The following BNC2 variants were observed in gnomAD, a reference collection of about 807,000 sequenced individuals.
BNC2 encodes zinc finger protein basonuclin-2.
In BNC2, 20 loss-of-function variants were observed where a neutral mutation model predicts 76.3. The ratio of observed to expected loss-of-function variants is 0.26; its 90% CI spans 0.18 to 0.38. BNC2 has a LOEUF of 0.38. BNC2 is among the 10% of genes least tolerant of loss of function. The pLI is 1.00. For missense variants in BNC2, 1,382 were observed against 1,399.8 expected (o/e 0.99, Z 0.20); for synonymous variants, 582 against 514.8 (o/e 1.13, Z -1.77).
At chr9:16,845,566 A>G (rs1056553513) in intron 1 of BNC2, among the ~76,000 whole-genome samples, 1 of 151,792 alleles carries the variant, frequency 6.6e-6, no homozygotes, top group Admixed American at 6.6e-5. Context: ...CTAAAAATAC[A>G]AAAAATTAGC....
rs1223254381 is a variant in BNC2, at chr9:16,435,523, C to T, written c.2639+32G>A. ...GACTGAAAACTGGCACCCTCCACCCCCAGCAGGAGCAGCCAATGGAGATTT... is the reference window on the plus strand; with the variant it reads ...GACTGAAAACTGGCACCCTCCACCCTCAGCAGGAGCAGCCAATGGAGATTT... On this transcript the variant is annotated intron_variant, in intron 6 of 6. Transcript: ENST00000380672. 3.7e-6 allele frequency: 6 copies of T among 1,612,074 alleles called. No individual in the cohort carries two copies. The Admixed American group carries it at 8.3e-5, about 22-fold the overall frequency.
chr9:16,679,162 C>A (rs896770025), intron 3 of BNC2, among the ~76,000 whole-genome samples: 5 of 152,120 alleles, frequency 3.3e-5, no homozygotes, highest in African/African-American at 1.2e-4. Flanking sequence ...TGGCAAAACA[C>A]CTCCCACCCA....
intron 5 of BNC2, 25 bp from the exon 6 acceptor site, chr9:16,437,549 C>G: frequency 6.2e-7 from 1 of 1,606,306 alleles, no homozygotes; most frequent in Non-Finnish European, 8.5e-7. Flanking sequence ...AAAGAAACAA[C>G]AAAGACAAAC....
intron 3 of BNC2, among the ~76,000 whole-genome samples, chr9:16,714,456 G>A (rs1412459864): frequency 6.6e-6 from 1 of 152,180 alleles, no homozygotes. Flanking sequence ...TCTTGAACAT[G>A]GCATACCAGC....
intron 3 of BNC2, among the ~76,000 whole-genome samples, chr9:16,645,643 GT>G (rs1480197681): frequency 1.2e-4 from 18 of 152,144 alleles, no homozygotes; most frequent in African/African-American, 4.3e-4. Flanking sequence ...ATAACCATGG[GT>G]AAGTTATTTA....
chr9:16,736,443 AT>A (rs1237247319), intron 2 of BNC2, among the ~76,000 whole-genome samples: 38 of 20,630 alleles, frequency 1.8e-3, no homozygotes, highest in East Asian at 6.3e-3. Flanking sequence ...AACAGAGACT[AT>A]TTATTATTAT....
At position 16,712,683 on chromosome 9, in the gene BNC2, C is replaced by T. The variant is rs145128087; in HGVS notation, c.330+15114G>A. 1.9e-4 allele frequency among the ~76,000 whole-genome samples: 29 copies of T among 152,226 alleles called. No individual in the cohort carries two copies. The East Asian group carries it at 5.4e-3, about 28-fold the overall frequency. On this transcript the variant is annotated intron_variant, in intron 3 of 6. Transcript: ENST00000380672. ...CTGATATTTCACTATCATTAAGATC[C>T]CTTTTGAAAATACACTTGAGACAGC...
chr9:16,610,143 C>CA (rs76006394), intron 3 of BNC2, among the ~76,000 whole-genome samples: 137,253 of 152,046 alleles, frequency 0.9, 62,244 homozygotes, highest in East Asian at 0.98. Flanking sequence ...AAAGGGGTGG[C>CA]AAAAACTGGG....
intron 5 of BNC2, among the ~76,000 whole-genome samples, chr9:16,509,391 C>T (rs1361496572): frequency 2.6e-5 from 4 of 152,210 alleles, no homozygotes; most frequent in Admixed American, 2.6e-4. Flanking sequence ...ACAGGAAACA[C>T]ATAAATGTCT....
At chr9:16,614,958 T>TAAAAAAAAAAAAAAAAAAAAA (rs60545823) in intron 3 of BNC2, among the ~76,000 whole-genome samples, 1 of 62,520 alleles carries the variant, frequency 1.6e-5, no homozygotes, top group Non-Finnish European at 3.0e-5. Flanking sequence ...TCTGTCTCTT[T>TAAAAAAAAAAAAAAAAAAAAA]AAAAAAAAAA....
chr9:16,678,016 G>A (rs1245886121), intron 3 of BNC2, among the ~76,000 whole-genome samples: 3 of 151,852 alleles, frequency 2.0e-5, no homozygotes, highest in Admixed American at 6.6e-5. Flanking sequence ...TTTCTGTGAC[G>A]GTAGAGGATG....
chr9:16,593,226 G>T (rs1485347154), intron 3 of BNC2, among the ~76,000 whole-genome samples: 1 of 151,944 alleles, frequency 6.6e-6, no homozygotes, highest in Non-Finnish European at 1.5e-5. Context: ...AGGCAAAGAG[G>T]GAAAACCAGA....
intron 3 of BNC2, among the ~76,000 whole-genome samples, chr9:16,642,046 C>G (rs918994213): frequency 6.6e-6 from 1 of 152,144 alleles, no homozygotes; most frequent in Non-Finnish European, 1.5e-5. Flanking sequence ...CAACATTTAT[C>G]ATCTGATTTA....
intron 3 of BNC2, among the ~76,000 whole-genome samples, chr9:16,700,970 G>C (rs147289215): frequency 2.0e-5 from 3 of 152,200 alleles, no homozygotes; most frequent in African/African-American, 7.2e-5. Context: ...ATACTGATTA[G>C]CTTTTCCTGT....
chr9:16,868,911 C>T (rs1326967162), intron 1 of BNC2, among the ~76,000 whole-genome samples: 2 of 152,194 alleles, frequency 1.3e-5, no homozygotes, highest in African/African-American at 2.4e-5. Context: ...AAATAAATTC[C>T]TCCCATTTAA....
intron 3 of BNC2, among the ~76,000 whole-genome samples, chr9:16,588,436 G>C (rs147205686): frequency 6.6e-6 from 1 of 152,080 alleles, no homozygotes; most frequent in South Asian, 2.1e-4. Flanking sequence ...TATTATTTCT[G>C]TTTTACTATT....
At chr9:16,444,292 TG>T (rs1381077701) in intron 5 of BNC2, among the ~76,000 whole-genome samples, 1 of 152,170 alleles carries the variant, frequency 6.6e-6, no homozygotes, top group Non-Finnish European at 1.5e-5. Flanking sequence ...TGGGGGTACA[TG>T]CTCACAAATT....
At chr9:16,643,834 T>C (rs568199236) in intron 3 of BNC2, among the ~76,000 whole-genome samples, 59 of 152,278 alleles carry the variant, frequency 3.9e-4, no homozygotes, top group African/African-American at 1.2e-3. Flanking sequence ...TTAAAGATTT[T>C]ATATTAAAGA....
chr9:16,864,144 G>C (rs1241263457), intron 1 of BNC2, among the ~76,000 whole-genome samples: 1 of 152,014 alleles, frequency 6.6e-6, no homozygotes, highest in African/African-American at 2.4e-5. Flanking sequence ...AGCCAATTAA[G>C]CAAATGTATT....
Sources: gnomAD v4.1 joint callset for allele counts (sites outside exome capture counted in the v4.1 genomes callset) on GRCh38, gnomAD v4.1.1 for gene constraint, MANE v1.5 for transcripts, NCBI Gene and HGNC (gene_info 2026-07-23, HGNC 2026-07-21) for gene names.